Variants in PLPPR1 observed in about 807,000 individuals in gnomAD.
PLPPR1 encodes the protein phospholipid phosphatase-related protein type 1.
A neutral mutation model predicts 33.1 loss-of-function variants in PLPPR1; 10 were observed. The observed-to-expected ratio is 0.30, with a 90% CI of 0.19 to 0.51. The LOEUF is 0.51. PLPPR1 is among the 20% of genes least tolerant of loss of function. The probability of loss-of-function intolerance (pLI) is 0.97; values close to 1 mark genes in which losing one functional copy is unlikely to be tolerated. For synonymous variants in PLPPR1, 151 were observed against 151.0 expected (o/e 1.00, Z 0.00); for missense variants, 304 against 408.1 (o/e 0.74, Z 2.20).
chr9:101,206,974 A>G (rs571805226), intron 2 of PLPPR1, among the ~76,000 whole-genome samples: 2 of 152,218 alleles, frequency 1.3e-5, no homozygotes, highest in East Asian at 1.9e-4. Context: ...AAGGGACATC[A>G]CCTACCCCTT....
chr9:101,251,102 T>C (rs948413574), intron 2 of PLPPR1, among the ~76,000 whole-genome samples: 34 of 152,076 alleles, frequency 2.2e-4, no homozygotes, highest in African/African-American at 8.2e-4. Context: ...GGATGTCTAA[T>C]AGGCATATCA....
intron 2 of PLPPR1, chr9:101,187,822 T>C (rs560591618): frequency 6.6e-6 from 1 of 152,110 alleles, no homozygotes; most frequent in African/African-American, 2.4e-5. Flanking sequence ...TTTTGTCATA[T>C]TTGCTTCAAA....
intron 2 of PLPPR1, among the ~76,000 whole-genome samples, chr9:101,238,228 C>G (rs1367404872): frequency 7.4e-6 from 1 of 135,478 alleles, no homozygotes; most frequent in Admixed American, 7.4e-5. Context: ...ATATACACCT[C>G]TCTATATATA....
chr9:101,229,036 T>C (rs930585255), intron 2 of PLPPR1, among the ~76,000 whole-genome samples: 28 of 149,906 alleles, frequency 1.9e-4, no homozygotes, highest in African/African-American at 6.3e-4. Flanking sequence ...TCCTATGACC[T>C]GCCTTGTTCA....
At chr9:101,296,578 C>T (rs555892950) in intron 4 of PLPPR1, among the ~76,000 whole-genome samples, 9 of 152,088 alleles carry the variant, frequency 5.9e-5, no homozygotes, top group Admixed American at 1.3e-4. Flanking sequence ...CACTGGATAA[C>T]GAAAATGTGG....
intron 4 of PLPPR1, among the ~76,000 whole-genome samples, chr9:101,300,992 A>G (rs1348185012): frequency 6.6e-6 from 1 of 152,222 alleles, no homozygotes; most frequent in Non-Finnish European, 1.5e-5. Context: ...TAAAGAGGAC[A>G]TTCTTGAGAT....
At chr9:101,253,883 T>C (rs1352691351) in intron 2 of PLPPR1, among the ~76,000 whole-genome samples, 1 of 152,160 alleles carries the variant, frequency 6.6e-6, no homozygotes, top group Admixed American at 6.5e-5. Flanking sequence ...CCCTGAAAAG[T>C]ATGTAGTGTT....
At chr9:101,294,661 TA>T (rs1828586417) in intron 4 of PLPPR1, among the ~76,000 whole-genome samples, 1 of 152,144 alleles carries the variant, frequency 6.6e-6, no homozygotes, top group South Asian at 2.1e-4. Flanking sequence ...CACAAATCAA[TA>T]AATGTAATCT....
At chr9:101,180,734 TAACTC>T (rs1301948724) in intron 1 of PLPPR1, among the ~76,000 whole-genome samples, 2 of 151,838 alleles carry the variant, frequency 1.3e-5, no homozygotes, top group East Asian at 3.9e-4. Flanking sequence ...AAACAAAAAT[TAACTC>T]AAAGTGGATT....
intron 1 of PLPPR1, among the ~76,000 whole-genome samples, chr9:101,087,442 A>T (rs1830692604): frequency 6.6e-6 from 1 of 152,320 alleles, no homozygotes; most frequent in Non-Finnish European, 1.5e-5. Flanking sequence ...AGAAATCATG[A>T]GAAGAAAAGA....
chr9:101,259,499 A>G (rs2118877892), intron 2 of PLPPR1, among the ~76,000 whole-genome samples: 1 of 152,312 alleles, frequency 6.6e-6, no homozygotes, highest in South Asian at 2.1e-4. Context: ...TGGGAAGCCA[A>G]GATCAAAGAG....
intron 1 of PLPPR1, among the ~76,000 whole-genome samples, chr9:101,034,838 A>G (rs1829990844): frequency 6.6e-6 from 1 of 152,044 alleles, no homozygotes; most frequent in South Asian, 2.1e-4. Context: ...TTGGTTATAA[A>G]TAGTTGGCTT....
At chr9:101,030,636 G>C (rs1829934201) in intron 1 of PLPPR1, among the ~76,000 whole-genome samples, 1 of 151,788 alleles carries the variant, frequency 6.6e-6, no homozygotes, top group Non-Finnish European at 1.5e-5. Flanking sequence ...TGTATTTTTA[G>C]GAAAAGTGTA....
chr9:101,127,367 G>A (rs939053993), intron 1 of PLPPR1, among the ~76,000 whole-genome samples: 3 of 152,202 alleles, frequency 2.0e-5, no homozygotes, highest in African/African-American at 7.2e-5. Flanking sequence ...GAGAAGTAAA[G>A]TGGGACCAGG....
At chr9:101,119,464 G>A (rs1468381010) in intron 1 of PLPPR1, among the ~76,000 whole-genome samples, 2 of 152,224 alleles carry the variant, frequency 1.3e-5, no homozygotes, top group Non-Finnish European at 2.9e-5. Flanking sequence ...GGAGGTGATG[G>A]AACTATCAGG....
rs531009809 is a variant in PLPPR1, at chr9:101,064,583, A to G, written c.-46+35481A>G. On this transcript the variant is annotated intron_variant, in intron 1 of 7. Coordinates refer to ENST00000374874, the MANE Select transcript of PLPPR1 (RefSeq NM_207299.2). ...CAGGGCATCCATTTTGCTGTATGCCATTGGTTGAAACAGTCACAAAAGCCC... is the reference window on the plus strand; with the variant it reads ...CAGGGCATCCATTTTGCTGTATGCCGTTGGTTGAAACAGTCACAAAAGCCC... 2.6e-5 allele frequency among the ~76,000 whole-genome samples: 4 copies of G among 152,176 alleles called. No homozygotes were observed. The East Asian group carries it at 5.8e-4, about 22-fold the overall frequency.
chr9:101,296,518 T>G (rs1828643037), intron 4 of PLPPR1, among the ~76,000 whole-genome samples: 1 of 152,142 alleles, frequency 6.6e-6, no homozygotes. Context: ...ATTGCGGCAC[T>G]ATTCACAATA....
intron 1 of PLPPR1, among the ~76,000 whole-genome samples, chr9:101,148,496 T>G (rs3118941): frequency 0.88 from 134,477 of 152,140 alleles, 59,666 homozygotes; most frequent in Admixed American, 0.91. Flanking sequence ...CTCATGGAAT[T>G]AATCTCCAAC....
chr9:101,223,987 GTTC>G (rs896380134), intron 2 of PLPPR1, among the ~76,000 whole-genome samples: 21 of 152,138 alleles, frequency 1.4e-4, no homozygotes, highest in African/African-American at 5.1e-4. Flanking sequence ...CTCTGCCCGA[GTTC>G]TTCTCCTGTT....
Sources: allele counts gnomAD v4.1 joint callset (sites outside exome capture counted in the v4.1 genomes callset), GRCh38; gene constraint gnomAD v4.1.1; transcripts MANE v1.5; gene names NCBI Gene and HGNC (gene_info 2026-07-23, HGNC 2026-07-21).